The following PLXNA4 variants were observed in gnomAD, a reference collection of about 807,000 sequenced individuals.
PLXNA4 encodes plexin A4.
Under a neutral mutation model 191.8 loss-of-function variants are expected in PLXNA4, and 44 were observed. The ratio of observed to expected loss-of-function variants is 0.23; its 90% confidence interval spans 0.18 to 0.29. PLXNA4 has a LOEUF of 0.29. Ranked by LOEUF, PLXNA4 falls within the 10% of genes least tolerant of loss-of-function variation. The probability of loss-of-function intolerance (pLI) is 1.00; values close to 1 mark genes in which losing one functional copy is unlikely to be tolerated. For missense variants in PLXNA4, 1,800 were observed against 2,488.8 expected (o/e 0.72, Z 5.89); for synonymous variants, 1,082 against 1,009.5 (o/e 1.07, Z -1.36).
intron 1 of PLXNA4, among the ~76,000 whole-genome samples, chr7:132,565,485 C>T (rs1315855707): frequency 6.6e-6 from 1 of 152,180 alleles, no homozygotes; most frequent in East Asian, 1.9e-4. Context: ...TCCTATTACA[C>T]CGCAATTGTC....
rs577435594 is a variant in PLXNA4, at chr7:132,509,155, G to A, written c.-86-376C>T. On this transcript the variant is annotated intron_variant, in intron 1 of 31. Transcript: ENST00000321063. ...GCAGCATCCGCAAAGACTGGCTGGA[G>A]GAGAAGAGGGAGGGAGGGAGGGAGG... Among the ~76,000 whole-genome samples the A allele has an allele frequency of 2.8e-5, 4 of 141,484 alleles. No homozygotes were observed. In the East Asian group the frequency reaches 9.4e-4, roughly 33 times the overall value. The allele number at this position is 141,484 out of a possible 152,430, so 92.8% of individuals were successfully genotyped here.
chr7:132,572,428 C>A (rs1164150809), intron 1 of PLXNA4, among the ~76,000 whole-genome samples: 1 of 152,250 alleles, frequency 6.6e-6, no homozygotes, highest in East Asian at 1.9e-4. Context: ...AACATCCTCA[C>A]AGCCTCTTCC....
chr7:132,613,896 G>C (rs2116857513), intron 2 of PLXNA4, among the ~76,000 whole-genome samples: 1 of 152,352 alleles, frequency 6.6e-6, no homozygotes, highest in East Asian at 1.9e-4. Flanking sequence ...AGGTGGGCAG[G>C]TTACTTCTGC....
chr7:132,437,545 A>C (rs1361591365), intron 3 of PLXNA4, among the ~76,000 whole-genome samples: 3 of 146,880 alleles, frequency 2.0e-5, no homozygotes, highest in African/African-American at 7.5e-5. Flanking sequence ...AAATGGAAGG[A>C]GAGCTGCATC....
chr7:132,606,886 C>T (rs1802935955), intron 2 of PLXNA4, among the ~76,000 whole-genome samples: 1 of 152,184 alleles, frequency 6.6e-6, no homozygotes, highest in African/African-American at 2.4e-5. Flanking sequence ...TCACGGGAAA[C>T]AAGCTGATAT....
At chr7:132,523,924 A>G (rs1169648619) in intron 1 of PLXNA4, among the ~76,000 whole-genome samples, 1 of 152,120 alleles carries the variant, frequency 6.6e-6, no homozygotes, top group Non-Finnish European at 1.5e-5. Flanking sequence ...GTCAAAGGTG[A>G]GGTTGTCTAG....
intron 2 of PLXNA4, among the ~76,000 whole-genome samples, chr7:132,506,945 C>T (rs1016245923): frequency 6.6e-6 from 1 of 152,222 alleles, no homozygotes; most frequent in African/African-American, 2.4e-5. Flanking sequence ...TCACTGCACT[C>T]TTACCTGACT....
chr7:132,643,785 T>C (rs1803801096), intron 2 of PLXNA4, among the ~76,000 whole-genome samples: 1 of 151,958 alleles, frequency 6.6e-6, no homozygotes, highest in African/African-American at 2.4e-5. Context: ...CCCATCTCTA[T>C]AAAAAAATTT....
rs541984944 is a variant in PLXNA4 at position 132,317,999 on chromosome 7, G to C, written c.1372-19777C>G. On this transcript the variant is annotated intron_variant, in intron 3 of 31. Transcript: ENST00000321063. ...GAGAGCGCAAGAATCTGTGCCTCCTGGGAAAGGCTGTAATCCATTTTCCCT... is the reference window on the plus strand; with the variant it reads ...GAGAGCGCAAGAATCTGTGCCTCCTCGGAAAGGCTGTAATCCATTTTCCCT... 2.6e-5 allele frequency among the ~76,000 whole-genome samples: 4 copies of C among 152,328 alleles called. 1 individual carries two copies. The South Asian group carries it at 8.3e-4, about 32-fold the overall frequency.
chr7:132,279,786 G>T (rs529652851), intron 4 of PLXNA4, among the ~76,000 whole-genome samples: 1 of 152,280 alleles, frequency 6.6e-6, no homozygotes, highest in East Asian at 1.9e-4. Flanking sequence ...ACTGTAGAAG[G>T]CAAGTTGTTG....
intron 2 of PLXNA4, among the ~76,000 whole-genome samples, chr7:132,491,185 A>G (rs977681118): frequency 2.6e-5 from 4 of 152,222 alleles, no homozygotes; most frequent in African/African-American, 9.7e-5. Context: ...CATAAAGCCT[A>G]TTGCACTCGT....
intron 4 of PLXNA4, among the ~76,000 whole-genome samples, chr7:132,274,987 G>T (rs1312593451): frequency 6.6e-6 from 1 of 151,656 alleles, no homozygotes; most frequent in Non-Finnish European, 1.5e-5. Flanking sequence ...TGGTTAAGAT[G>T]GTTTCTGCTA....
chr7:132,449,910 T>C (rs992949), intron 3 of PLXNA4, among the ~76,000 whole-genome samples: 106,631 of 152,224 alleles, frequency 0.7, 43,434 homozygotes, highest in Non-Finnish European at 0.91. Flanking sequence ...GCATCCATTG[T>C]TTTACAGACA....
At chr7:132,363,711 T>A (rs949789963) in intron 3 of PLXNA4, among the ~76,000 whole-genome samples, 3 of 152,252 alleles carry the variant, frequency 2.0e-5, no homozygotes, top group Admixed American at 6.5e-5. Context: ...TACCCAGAAG[T>A]GTAACCGCTG....
intron 3 of PLXNA4, among the ~76,000 whole-genome samples, chr7:132,364,163 C>A (rs1185877973): frequency 6.6e-6 from 1 of 152,098 alleles, no homozygotes; most frequent in Non-Finnish European, 1.5e-5. Flanking sequence ...AAAGGCGGGG[C>A]TGGGTATGGG....
At chr7:132,292,717 T>C (rs74433624) in intron 4 of PLXNA4, among the ~76,000 whole-genome samples, 2,826 of 152,274 alleles carry the variant, frequency 0.019, 81 homozygotes, top group African/African-American at 0.064. Flanking sequence ...CAGGAACTTA[T>C]ATGCTAATTC....
chr7:132,275,727 C>G (rs1474336468), intron 4 of PLXNA4, among the ~76,000 whole-genome samples: 2 of 152,200 alleles, frequency 1.3e-5, no homozygotes, highest in Non-Finnish European at 2.9e-5. Context: ...GTCGCCAGCA[C>G]CTGGGTCTAG....
At chr7:132,590,634 C>T (rs765849140) in intron 2 of PLXNA4, among the ~76,000 whole-genome samples, 10 of 152,186 alleles carry the variant, frequency 6.6e-5, no homozygotes, top group Non-Finnish European at 1.3e-4. Context: ...GGTCTTTCCA[C>T]GTTCTTCTGC....
chr7:132,598,501 T>C (rs1295047194), intron 2 of PLXNA4, among the ~76,000 whole-genome samples: 1 of 152,256 alleles, frequency 6.6e-6, no homozygotes, highest in Non-Finnish European at 1.5e-5. Context: ...GTCTACTACA[T>C]TAAAGTAACA....
Sources: gnomAD v4.1 joint callset for allele counts (sites outside exome capture counted in the v4.1 genomes callset) on GRCh38, gnomAD v4.1.1 for gene constraint, MANE v1.5 for transcripts, NCBI Gene and HGNC (gene_info 2026-07-23, HGNC 2026-07-21) for gene names.